The following DIPK1A variants were observed in gnomAD, a reference collection of about 807,000 sequenced individuals.
DIPK1A encodes family with sequence similarity 69 member A.
DIPK1A carries 27 observed loss-of-function variants against 40.8 expected under a neutral mutation model. The observed-to-expected ratio is 0.66, with a 90% CI of 0.49 to 0.91. The LOEUF (loss-of-function observed/expected upper bound fraction) is 0.91. Among genes scored for constraint, DIPK1A ranks in the 40% least tolerant of loss-of-function variants. The pLI is 0.00. For synonymous variants in DIPK1A, 166 were observed against 171.3 expected, an observed-to-expected ratio of 0.97 and a Z score of 0.24; for missense variants, 412 against 505.7, an observed-to-expected ratio of 0.81 and a Z score of 1.78.
At chr1:92,877,559 C>T (rs548256752) in intron 1 of DIPK1A, among the ~76,000 whole-genome samples, 1 of 152,228 alleles carries the variant, frequency 6.6e-6, no homozygotes, top group East Asian at 1.9e-4. Flanking sequence ...TCTATTGGCC[C>T]TATTTGTGGT....
intron 1 of DIPK1A, among the ~76,000 whole-genome samples, chr1:92,958,684 A>T (rs985166403): frequency 6.6e-6 from 1 of 152,232 alleles, no homozygotes; most frequent in Non-Finnish European, 1.5e-5. Context: ...CTTTCAAAAC[A>T]TGAAATCAAA....
In DIPK1A at chr1:92,852,137, A is replaced by G. The variant is rs565043060; in HGVS notation, c.190-1182T>C. 4.9e-4 allele frequency among the ~76,000 whole-genome samples: 74 copies of G among 152,310 alleles called. 1 individual carries two copies. The highest frequency in any genetic ancestry group is 1.4e-3 in the Admixed American group (21 of 15,296). On this transcript the variant is annotated intron_variant, in intron 2 of 4. Coordinates refer to ENST00000370310, the MANE Select transcript of DIPK1A (RefSeq NM_001006605.5). ...GAGTAATAATCAAAACCAAACAAGCAAAAGATCTATACAGCAAATCTACAA... is the reference window on the plus strand; with the variant it reads ...GAGTAATAATCAAAACCAAACAAGCGAAAGATCTATACAGCAAATCTACAA...
At chr1:92,923,474 A>G (rs930500465) in intron 1 of DIPK1A, among the ~76,000 whole-genome samples, 1 of 152,190 alleles carries the variant, frequency 6.6e-6, no homozygotes, top group Non-Finnish European at 1.5e-5. Context: ...CACAGAGGCT[A>G]TATCTTCCTG....
chr1:92,897,520 G>T (rs376840437), intron 1 of DIPK1A, among the ~76,000 whole-genome samples: 5 of 152,106 alleles, frequency 3.3e-5, no homozygotes, highest in Admixed American at 6.5e-5. Context: ...GTGGGCGGAG[G>T]GGGGAGGGAT....
intron 1 of DIPK1A, among the ~76,000 whole-genome samples, chr1:92,926,420 A>G (rs1447444343): frequency 6.6e-6 from 1 of 152,214 alleles, no homozygotes; most frequent in Non-Finnish European, 1.5e-5. Flanking sequence ...GACTTGTTTC[A>G]TGGCCCTGGA....
intron 1 of DIPK1A, among the ~76,000 whole-genome samples, chr1:92,922,516 C>A (rs190333820): frequency 6.6e-6 from 1 of 152,076 alleles, no homozygotes; most frequent in African/African-American, 2.4e-5. Flanking sequence ...GATGCCAACA[C>A]GACACACATT....
chr1:92,940,307 C>T lies in DIPK1A; in HGVS notation c.54+21069G>A, dbSNP rs551665206. Among the ~76,000 whole-genome samples the T allele has an allele frequency of 5.3e-5, 8 of 152,342 alleles. No individual in the cohort carries two copies. In the South Asian group the frequency reaches 1.7e-3, roughly 32 times the overall value. ...CTTTTTCTCTCTTGCCTGTTTAGAA[C>T]ATGGCTATTGAACACATCTGTCCGA... On this transcript the variant is annotated intron_variant, in intron 1 of 4. Transcript: ENST00000370310.
chr1:92,866,399 G>C (rs1647545525), intron 2 of DIPK1A, among the ~76,000 whole-genome samples: 1 of 152,314 alleles, frequency 6.6e-6, no homozygotes, highest in South Asian at 2.1e-4. Flanking sequence ...ACCGCACCTG[G>C]CCTTGAAGGC....
At chr1:92,943,542 A>C (rs932156983) in intron 1 of DIPK1A, among the ~76,000 whole-genome samples, 1 of 151,990 alleles carries the variant, frequency 6.6e-6, no homozygotes. Context: ...CACAGAGATC[A>C]TAGGCAGCCT....
intron 2 of DIPK1A, among the ~76,000 whole-genome samples, chr1:92,867,075 T>C (rs1647580285): frequency 6.6e-6 from 1 of 152,230 alleles, no homozygotes; most frequent in Admixed American, 6.5e-5. Flanking sequence ...TTTCAATACA[T>C]GAACTCATTT....
intron 2 of DIPK1A, among the ~76,000 whole-genome samples, chr1:92,872,069 C>CTTTTTT (rs148010880): frequency 3.2e-4 from 22 of 67,958 alleles, no homozygotes; most frequent in South Asian, 9.7e-4. Context: ...TTCTTTAAAT[C>CTTTTTT]TTTTTTTTTT....
chr1:92,889,754 C>T (rs1028349517), intron 1 of DIPK1A, among the ~76,000 whole-genome samples: 3 of 152,022 alleles, frequency 2.0e-5, no homozygotes, highest in Non-Finnish European at 4.4e-5. Flanking sequence ...CTCAAGCAAT[C>T]CTCCCACCTC....
At chr1:92,944,141 GAAAAT>G (rs1421508249) in intron 1 of DIPK1A, among the ~76,000 whole-genome samples, 1 of 151,856 alleles carries the variant, frequency 6.6e-6, no homozygotes, top group Non-Finnish European at 1.5e-5. Flanking sequence ...AAACGATCTG[GAAAAT>G]AAAATTGAGA....
chr1:92,941,147 A>G (rs80262899), intron 1 of DIPK1A, among the ~76,000 whole-genome samples: 4,665 of 152,258 alleles, frequency 0.031, 206 homozygotes, highest in African/African-American at 0.1. Flanking sequence ...TTTTTCCTTT[A>G]TGAACCATGC....
chr1:92,929,125 T>C (rs767803328), intron 1 of DIPK1A, among the ~76,000 whole-genome samples: 4 of 152,260 alleles, frequency 2.6e-5, no homozygotes, highest in Non-Finnish European at 5.9e-5. Context: ...ATCTTGAAGA[T>C]ATTTTGTTAT....
downstream of DIPK1A, among the ~76,000 whole-genome samples, chr1:92,839,124 C>T (rs1056127609): frequency 2.0e-5 from 3 of 150,526 alleles, no homozygotes; most frequent in African/African-American, 4.9e-5. Flanking sequence ...CTTGGGAGGC[C>T]GTGGTGGGCA....
intron 2 of DIPK1A, among the ~76,000 whole-genome samples, chr1:92,855,377 C>A (rs1418865861): frequency 6.6e-6 from 1 of 151,802 alleles, no homozygotes; most frequent in Admixed American, 6.6e-5. Context: ...CTTAAAAAAA[C>A]CAACCAACCA....
chr1:92,907,079 G>A (rs1649653255), intron 1 of DIPK1A, among the ~76,000 whole-genome samples: 1 of 152,154 alleles, frequency 6.6e-6, no homozygotes, highest in South Asian at 2.1e-4. Context: ...CTTAAGGTAT[G>A]ATTTAAACAA....
chr1:92,894,656 A>G (rs563742004), intron 1 of DIPK1A, among the ~76,000 whole-genome samples: 2 of 152,144 alleles, frequency 1.3e-5, no homozygotes, highest in East Asian at 3.8e-4. Flanking sequence ...CTAAGATCAC[A>G]GCAGAGCTGA....
Sources: gnomAD v4.1 joint callset for allele counts (sites outside exome capture counted in the v4.1 genomes callset) on GRCh38, gnomAD v4.1.1 for gene constraint, MANE v1.5 for transcripts, NCBI Gene and HGNC (gene_info 2026-07-23, HGNC 2026-07-21) for gene names.